The following GAB2 variants were observed in gnomAD, a reference collection of about 807,000 sequenced individuals.
The protein encoded by GAB2 is GRB2 associated binding protein 2, also known as GRB2-associated-binding protein 2.
In GAB2, 26 loss-of-function variants were observed where a neutral mutation model predicts 65.5. The observed-to-expected ratio is 0.40, with a 90% confidence interval of 0.29 to 0.55. The LOEUF (loss-of-function observed/expected upper bound fraction) is 0.55, where lower values mean the gene tolerates loss of function less well. Among genes scored for constraint, GAB2 ranks in the 20% least tolerant of loss-of-function variants. The pLI, the probability that GAB2 is intolerant of heterozygous loss-of-function variation, is 0.53. For synonymous variants in GAB2, 321 were observed against 329.6 expected, an observed-to-expected ratio of 0.97 and a Z score of 0.28; for missense variants, 884 against 875.8, an observed-to-expected ratio of 1.01 and a Z score of -0.12.
intron 1 of GAB2, among the ~76,000 whole-genome samples, chr11:78,363,250 T>C (rs1049139455): frequency 5.9e-5 from 9 of 152,220 alleles, no homozygotes; most frequent in Non-Finnish European, 1.0e-4. Context: ...AGCAACCACA[T>C]AGCTAGAGAC....
chr11:78,371,492 C>T (rs1021663906), intron 1 of GAB2, among the ~76,000 whole-genome samples: 2 of 152,176 alleles, frequency 1.3e-5, no homozygotes, highest in African/African-American at 4.8e-5. Context: ...TGATTCTTTT[C>T]CTTCCCTCAT....
intron 1 of GAB2, among the ~76,000 whole-genome samples, chr11:78,411,164 G>C (rs745901530): frequency 2.6e-5 from 4 of 151,028 alleles, no homozygotes; most frequent in South Asian, 2.1e-4. Flanking sequence ...GTGGTTGGGG[G>C]GGGGGATGGT....
At chr11:78,248,392 T>A (rs1400298294) in intron 3 of GAB2, among the ~76,000 whole-genome samples, 2 of 152,220 alleles carry the variant, frequency 1.3e-5, no homozygotes, top group African/African-American at 4.8e-5. Flanking sequence ...CAATCTGTGC[T>A]GGTATCATCT....
intron 6 of GAB2, among the ~76,000 whole-genome samples, chr11:78,222,469 G>C (rs1409810640): frequency 6.6e-6 from 1 of 150,858 alleles, no homozygotes; most frequent in Admixed American, 6.6e-5. Flanking sequence ...TTTGACAACA[G>C]ATTTTTCTCC....
chr11:78,381,390 GTGTCT>G (rs912892596), intron 1 of GAB2, among the ~76,000 whole-genome samples: 3 of 152,182 alleles, frequency 2.0e-5, no homozygotes, highest in African/African-American at 7.2e-5. Flanking sequence ...GTATTTATCT[GTGTCT>G]TGAGAGATGA....
chr11:78,303,755 G>C (rs577561308), intron 1 of GAB2, among the ~76,000 whole-genome samples: 1 of 152,224 alleles, frequency 6.6e-6, no homozygotes, highest in East Asian at 1.9e-4. Flanking sequence ...TCAATTTAGG[G>C]ATTATGTTTC....
In GAB2 at chr11:78,300,695, G is replaced by GGT. The variant is rs1554985600; in HGVS notation, c.76-19795_76-19794insAC. ...TGGTTTTTTTTTTTGGTTTTTTTTT[G>GGT]TTTTTTTTTTTTTTTTTGAGACAGA... is the stretch of plus-strand genomic sequence containing the variant. On this transcript the variant is annotated intron_variant, in intron 1 of 9. Transcript: ENST00000361507. 4.4e-5 allele frequency among the ~76,000 whole-genome samples: 5 copies of GGT among 113,250 alleles called. No homozygotes were observed. The East Asian group carries it at 1.5e-3, about 33-fold the overall frequency. The allele number at this position is 113,250 out of a possible 152,430, so 74.3% of individuals were successfully genotyped here.
intron 1 of GAB2, among the ~76,000 whole-genome samples, chr11:78,340,436 A>G (rs1210040764): frequency 6.6e-6 from 1 of 151,974 alleles, no homozygotes; most frequent in Non-Finnish European, 1.5e-5. Context: ...ATGGACCCTT[A>G]TTTTTCTGCT....
At chr11:78,263,280 T>A (rs1865782873) in intron 2 of GAB2, among the ~76,000 whole-genome samples, 2 of 152,208 alleles carry the variant, frequency 1.3e-5, no homozygotes, top group South Asian at 4.1e-4. Context: ...TCCTTTTTAT[T>A]AGAGCACACC....
chr11:78,338,243 TAG>T (rs1856035167), intron 1 of GAB2, among the ~76,000 whole-genome samples: 1 of 152,194 alleles, frequency 6.6e-6, no homozygotes, highest in Non-Finnish European at 1.5e-5. Context: ...TGTCCTTAAT[TAG>T]AGAGTCTAGG....
intron 1 of GAB2, among the ~76,000 whole-genome samples, chr11:78,349,937 A>G (rs1006458770): frequency 1.3e-5 from 2 of 152,148 alleles, no homozygotes; most frequent in African/African-American, 4.8e-5. Flanking sequence ...AAAAGAAAAA[A>G]AGAAAAAAAA....
intron 1 of GAB2, among the ~76,000 whole-genome samples, chr11:78,354,265 A>G (rs2134708620): frequency 6.6e-6 from 1 of 152,234 alleles, no homozygotes; most frequent in Non-Finnish European, 1.5e-5. Flanking sequence ...AGATTCACAG[A>G]AAGGTTTGCT....
intron 1 of GAB2, among the ~76,000 whole-genome samples, chr11:78,381,610 C>G (rs1294525017): frequency 2.6e-5 from 4 of 152,102 alleles, no homozygotes; most frequent in Non-Finnish European, 5.9e-5. Flanking sequence ...CTGTTTCTCC[C>G]TCTTCCTCCT....
intron 2 of GAB2, among the ~76,000 whole-genome samples, chr11:78,270,626 G>C (rs1865984965): frequency 6.6e-6 from 1 of 152,150 alleles, no homozygotes; most frequent in Admixed American, 6.5e-5. Flanking sequence ...ATCTCACTTT[G>C]TTTCCTCATG....
chr11:78,322,385 C>G (rs1023357330), intron 1 of GAB2, among the ~76,000 whole-genome samples: 1 of 142,758 alleles, frequency 7.0e-6, no homozygotes, highest in Non-Finnish European at 1.5e-5. Context: ...CCCTTCTAGA[C>G]ATCAGCCTTG....
rs1565168237 is a variant in GAB2, at chr11:78,346,710, TA to T, written c.76-65810del. Among the ~76,000 whole-genome samples, 141 of 86,474 alleles carry T rather than the reference TA, an allele frequency of 1.6e-3. 7 individuals carry two copies. Among genetic ancestry groups the T allele is most frequent in the Middle Eastern group, 0.012 (2 of 166 alleles). 56.7% of individuals were successfully genotyped at this position (86,474 alleles called of 152,430 possible). A position where few individuals can be genotyped will look rare whatever the true frequency, so the allele number is the denominator to read the frequency against. Reference sequence around the variant, plus strand: ...ATATATATATATATATATATATATATATATATATATAATTTTTTTTTTTTTT... The same window carrying T: ...ATATATATATATATATATATATATATTATATATATAATTTTTTTTTTTTTT... On this transcript the variant is annotated intron_variant, in intron 1 of 9. Transcript: ENST00000361507.
At chr11:78,293,333 G>C (rs1457651156) in intron 1 of GAB2, among the ~76,000 whole-genome samples, 1 of 152,120 alleles carries the variant, frequency 6.6e-6, no homozygotes, top group Non-Finnish European at 1.5e-5. Flanking sequence ...AGGGGCTTTT[G>C]TATCTCCAGC....
chr11:78,260,475 CTT>C (rs61091091), intron 2 of GAB2, among the ~76,000 whole-genome samples: 11 of 145,854 alleles, frequency 7.5e-5, no homozygotes, highest in Non-Finnish European at 7.6e-5. Flanking sequence ...CCTTCTAAAT[CTT>C]TTTTTTTTTT....
intron 1 of GAB2, among the ~76,000 whole-genome samples, chr11:78,288,518 G>T (rs1480572196): frequency 6.6e-6 from 1 of 151,752 alleles, no homozygotes; most frequent in Non-Finnish European, 1.5e-5. Flanking sequence ...TAATCATACA[G>T]AAATCAATTT....
Sources: allele counts gnomAD v4.1 joint callset (sites outside exome capture counted in the v4.1 genomes callset), GRCh38; gene constraint gnomAD v4.1.1; transcripts MANE v1.5; gene names NCBI Gene and HGNC (gene_info 2026-07-23, HGNC 2026-07-21).